Variants in GRIN2A observed in about 807,000 individuals in gnomAD.
GRIN2A encodes the protein glutamate receptor ionotropic, NMDA 2A.
GRIN2A carries 22 observed loss-of-function variants against 113.4 expected under a neutral mutation model. The observed-to-expected ratio is 0.19, with a 90% CI of 0.14 to 0.28. The LOEUF (loss-of-function observed/expected upper bound fraction) is 0.28, where lower values mean the gene tolerates loss of function less well. Ranked by LOEUF, GRIN2A falls within the 10% of genes least tolerant of loss-of-function variation. The probability of loss-of-function intolerance (pLI) is 1.00; values close to 1 mark genes in which losing one functional copy is unlikely to be tolerated. For missense variants in GRIN2A, 1,502 were observed against 1,887.0 expected (o/e 0.80, Z 3.78); for synonymous variants, 827 against 738.4 (o/e 1.12, Z -1.94).
intron 12 of GRIN2A, among the ~76,000 whole-genome samples, chr16:9,765,554 T>A (rs1333834648): frequency 6.6e-6 from 1 of 152,116 alleles, no homozygotes; most frequent in Non-Finnish European, 1.5e-5. Flanking sequence ...ATCATACTCT[T>A]TGAGGGGGGG....
chr16:10,022,946 C>T (rs543892997), intron 2 of GRIN2A, among the ~76,000 whole-genome samples: 1 of 152,266 alleles, frequency 6.6e-6, no homozygotes, highest in Admixed American at 6.5e-5. Context: ...CCTGGTATTC[C>T]AATGTCTACC....
chr16:9,870,644 T>TC (rs1431466974), intron 4 of GRIN2A, among the ~76,000 whole-genome samples: 3 of 150,282 alleles, frequency 2.0e-5, no homozygotes, highest in Non-Finnish European at 3.0e-5. Flanking sequence ...TTTTTTTTTT[T>TC]CTTTTTTTGT....
intron 11 of GRIN2A, among the ~76,000 whole-genome samples, chr16:9,792,561 C>G (rs1183193994): frequency 3.3e-5 from 5 of 152,092 alleles, no homozygotes; most frequent in African/African-American, 1.2e-4. Flanking sequence ...TGTACCATAT[C>G]TTTCAAATAC....
Position 9,877,978 on chromosome 16 carries a change from G to T in GRIN2A, c.1122+13008C>A, listed in dbSNP as rs1433404387. Reference sequence around the variant, plus strand: ...TCAGAAAACCAAAATGGTTTTCATTGGTCTATTCAGGAGTTTCTAGAAATA... The same window carrying T: ...TCAGAAAACCAAAATGGTTTTCATTTGTCTATTCAGGAGTTTCTAGAAATA... On this transcript the variant is annotated intron_variant, in intron 4 of 12. Transcript: ENST00000330684. 2.6e-5 allele frequency among the ~76,000 whole-genome samples: 4 copies of T among 151,332 alleles called. No homozygotes were observed. In the East Asian group the frequency reaches 7.8e-4, roughly 29 times the overall value.
intron 2 of GRIN2A, among the ~76,000 whole-genome samples, chr16:10,105,619 A>C (rs2048484107): frequency 6.6e-6 from 1 of 152,190 alleles, no homozygotes; most frequent in Non-Finnish European, 1.5e-5. Flanking sequence ...ATTCTAAATA[A>C]GGCTGGGCAT....
At chr16:10,054,121 G>C (rs1195345207) in intron 2 of GRIN2A, among the ~76,000 whole-genome samples, 1 of 151,998 alleles carries the variant, frequency 6.6e-6, no homozygotes, top group African/African-American at 2.4e-5. Context: ...GCTAAAAAAA[G>C]GAAAATATCC....
intron 10 of GRIN2A, among the ~76,000 whole-genome samples, chr16:9,799,259 T>A (rs530630202): frequency 6.6e-6 from 1 of 152,192 alleles, no homozygotes; most frequent in East Asian, 1.9e-4. Context: ...CCTAATCCAC[T>A]GTGGCTGCCG....
intron 2 of GRIN2A, among the ~76,000 whole-genome samples, chr16:10,156,583 C>G (rs1019469911): frequency 2.6e-5 from 4 of 151,810 alleles, no homozygotes; most frequent in African/African-American, 7.3e-5. Flanking sequence ...AATAAATTCA[C>G]AGTCATGTGG....
chr16:9,773,369 A>C (rs1901399459), intron 11 of GRIN2A, among the ~76,000 whole-genome samples: 1 of 152,158 alleles, frequency 6.6e-6, no homozygotes, highest in African/African-American at 2.4e-5. Flanking sequence ...TGAAGCATCA[A>C]ATGTCGTTTT....
intron 3 of GRIN2A, among the ~76,000 whole-genome samples, chr16:9,932,866 C>T (rs2044628808): frequency 1.3e-5 from 2 of 152,300 alleles, no homozygotes; most frequent in Admixed American, 6.5e-5. Context: ...AGATTAGGTT[C>T]GAACCCATGC....
At chr16:9,934,388 T>C (rs1198698101) in intron 3 of GRIN2A, among the ~76,000 whole-genome samples, 2 of 152,040 alleles carry the variant, frequency 1.3e-5, no homozygotes, top group Non-Finnish European at 2.9e-5. Context: ...GAGGATAGAA[T>C]ATAGTGCCTT....
At chr16:10,163,720 T>C (rs1302868150) in intron 2 of GRIN2A, among the ~76,000 whole-genome samples, 1 of 152,124 alleles carries the variant, frequency 6.6e-6, no homozygotes, top group Non-Finnish European at 1.5e-5. Flanking sequence ...GTGTCTATTC[T>C]GATTCAGCTG....
In GRIN2A at chr16:9,961,238, C is replaced by T. The variant is rs192829242; in HGVS notation, c.415-22687G>A. On this transcript the variant is annotated intron_variant, in intron 2 of 12. Transcript: ENST00000330684. ...GGAGGAAGACATTCCAAGTCTGAAT[C>T]TCTGGTTACCACTCTGATGGAAATA... Among the ~76,000 whole-genome samples the T allele has an allele frequency of 2.0e-5, 3 of 152,246 alleles. No homozygotes were observed. In the East Asian group the frequency reaches 5.8e-4, roughly 29 times the overall value.
chr16:9,773,901 A>G (rs2267773), intron 11 of GRIN2A, among the ~76,000 whole-genome samples: 2 of 152,234 alleles, frequency 1.3e-5, no homozygotes, highest in African/African-American at 4.8e-5. Flanking sequence ...AGACAGAGTA[A>G]TAGAGTTTCA....
chr16:10,050,304 C>G (rs933872512), intron 2 of GRIN2A, among the ~76,000 whole-genome samples: 1 of 152,144 alleles, frequency 6.6e-6, no homozygotes, highest in Non-Finnish European at 1.5e-5. Context: ...AGCCACGGAC[C>G]AGTACCAGTC....
At chr16:10,057,717 G>A (rs1337262046) in intron 2 of GRIN2A, among the ~76,000 whole-genome samples, 1 of 152,100 alleles carries the variant, frequency 6.6e-6, no homozygotes, top group Non-Finnish European at 1.5e-5. Flanking sequence ...CACACTCTCA[G>A]AGGACAGGGA....
chr16:10,132,906 G>T (rs1190078770), intron 2 of GRIN2A, among the ~76,000 whole-genome samples: 1 of 152,154 alleles, frequency 6.6e-6, no homozygotes, highest in African/African-American at 2.4e-5. Flanking sequence ...CCTTCCTAGT[G>T]CTTCCTTCTA....
At chr16:9,843,081 G>A (rs1028214205) in intron 5 of GRIN2A, among the ~76,000 whole-genome samples, 3 of 151,370 alleles carry the variant, frequency 2.0e-5, no homozygotes, top group Non-Finnish European at 4.4e-5. Context: ...GGAGAGAGAA[G>A]AGAGAAAGAA....
At chr16:9,793,445 G>C (rs1902748727) in intron 11 of GRIN2A, among the ~76,000 whole-genome samples, 1 of 152,056 alleles carries the variant, frequency 6.6e-6, no homozygotes, top group Admixed American at 6.6e-5. Context: ...GGGATCCCCT[G>C]TTCACCTTTA....
Sources: gnomAD v4.1 joint callset for allele counts (sites outside exome capture counted in the v4.1 genomes callset) on GRCh38, gnomAD v4.1.1 for gene constraint, MANE v1.5 for transcripts, NCBI Gene and HGNC (gene_info 2026-07-23, HGNC 2026-07-21) for gene names.